KHDRBS2: variants seen among roughly 807,000 people sequenced by gnomAD.
KHDRBS2 encodes the protein KH domain-containing, RNA-binding, signal transduction-associated protein 2.
A neutral mutation model predicts 44.3 loss-of-function variants in KHDRBS2; 26 were observed. The observed-to-expected ratio is 0.59, with a 90% CI of 0.43 to 0.81. KHDRBS2 has a LOEUF of 0.81. KHDRBS2 is among the 40% of genes least tolerant of loss of function. KHDRBS2 has a pLI of 0.00. For missense variants in KHDRBS2, 476 were observed against 433.1 expected, an observed-to-expected ratio of 1.10 and a Z score of -0.88; for synonymous variants, 194 against 151.1, an observed-to-expected ratio of 1.28 and a Z score of -2.08.
At chr6:61,707,515 C>A (rs1333850121) in intron 7 of KHDRBS2, among the ~76,000 whole-genome samples, 2 of 151,692 alleles carry the variant, frequency 1.3e-5, no homozygotes, top group South Asian at 2.1e-4. Flanking sequence ...TATACATTTT[C>A]CATTCAAATG....
chr6:62,162,408 C>G (rs1817838711), intron 2 of KHDRBS2, among the ~76,000 whole-genome samples: 1 of 152,018 alleles, frequency 6.6e-6, no homozygotes, highest in Non-Finnish European at 1.5e-5. Context: ...TTTCCCACTG[C>G]CTTCTGGTCT....
intron 2 of KHDRBS2, among the ~76,000 whole-genome samples, chr6:62,070,181 T>C (rs148727404): frequency 6.2e-4 from 94 of 151,896 alleles, no homozygotes; most frequent in African/African-American, 2.2e-3. Flanking sequence ...ACAATCCATT[T>C]TATAGGTGCT....
chr6:61,905,577 A>G (rs981843487), intron 4 of KHDRBS2, among the ~76,000 whole-genome samples: 1 of 152,234 alleles, frequency 6.6e-6, no homozygotes, highest in Admixed American at 6.5e-5. Flanking sequence ...TTTGAGTGTC[A>G]ACTACACATA....
At chr6:61,933,096 T>C (rs1487157467) in intron 4 of KHDRBS2, among the ~76,000 whole-genome samples, 8 of 152,162 alleles carry the variant, frequency 5.3e-5, no homozygotes, top group Non-Finnish European at 7.4e-5. Flanking sequence ...ACAGAAAGTA[T>C]GGGTGGGGAG....
intron 2 of KHDRBS2, among the ~76,000 whole-genome samples, chr6:62,124,858 C>T (rs1808567660): frequency 6.6e-6 from 1 of 152,054 alleles, no homozygotes; most frequent in Admixed American, 6.6e-5. Context: ...TCATACCAGC[C>T]ACATATAACT....
At chr6:62,083,073 T>C (rs937400115) in intron 2 of KHDRBS2, among the ~76,000 whole-genome samples, 4 of 152,098 alleles carry the variant, frequency 2.6e-5, no homozygotes, top group African/African-American at 9.7e-5. Flanking sequence ...AGTAAGAACA[T>C]GCATTCCTGT....
At chr6:61,840,611 G>T (rs1793459152) in intron 6 of KHDRBS2, among the ~76,000 whole-genome samples, 1 of 152,052 alleles carries the variant, frequency 6.6e-6, no homozygotes, top group Non-Finnish European at 1.5e-5. Context: ...GCAACTATTG[G>T]TATCTACTGA....
intron 6 of KHDRBS2, among the ~76,000 whole-genome samples, chr6:61,760,705 A>C (rs1008899262): frequency 2.0e-5 from 3 of 152,208 alleles, no homozygotes; most frequent in Admixed American, 6.5e-5. Flanking sequence ...ACATCTTAGA[A>C]ATATTTTATG....
intron 6 of KHDRBS2, among the ~76,000 whole-genome samples, chr6:61,825,725 T>A (rs1227174294): frequency 6.6e-6 from 1 of 152,056 alleles, no homozygotes; most frequent in Admixed American, 6.6e-5. Context: ...AGCCCAAGAA[T>A]CTGGGTTCAG....
intron 3 of KHDRBS2, among the ~76,000 whole-genome samples, chr6:61,998,130 C>T (rs1777564830): frequency 6.6e-6 from 1 of 152,058 alleles, no homozygotes; most frequent in African/African-American, 2.4e-5. Context: ...CTTTTAAATA[C>T]ATTTAGTTAA....
At chr6:61,797,648 A>G (rs1785557390) in intron 6 of KHDRBS2, among the ~76,000 whole-genome samples, 1 of 151,952 alleles carries the variant, frequency 6.6e-6, no homozygotes, top group Non-Finnish European at 1.5e-5. Flanking sequence ...CATTAACCCA[A>G]CACACCTCAT....
chr6:62,004,038 A>G (rs1479958792), intron 3 of KHDRBS2, among the ~76,000 whole-genome samples: 2 of 152,202 alleles, frequency 1.3e-5, no homozygotes, highest in Non-Finnish European at 2.9e-5. Flanking sequence ...CTAAATGCCC[A>G]CAAGGTAAAG....
At chr6:61,638,704 C>T in the KHDRBS2 span, among the ~76,000 whole-genome samples, 2 of 152,052 alleles carry the variant, frequency 1.3e-5, no homozygotes, top group Non-Finnish European at 2.9e-5. Context: ...AATCAATTAG[C>T]ATTATTCTGG....
intron 6 of KHDRBS2, among the ~76,000 whole-genome samples, chr6:61,788,518 T>A (rs951630442): frequency 6.6e-6 from 1 of 151,448 alleles, no homozygotes; most frequent in Non-Finnish European, 1.5e-5. Flanking sequence ...TTATGTAGTA[T>A]CTCACATATT....
intron 6 of KHDRBS2, among the ~76,000 whole-genome samples, chr6:61,818,141 T>C (rs1789276557): frequency 6.6e-6 from 1 of 151,900 alleles, no homozygotes; most frequent in South Asian, 2.1e-4. Context: ...CTATGATAAG[T>C]AAGATGCAAC....
chr6:61,902,151 G>T (rs796343655), intron 4 of KHDRBS2, among the ~76,000 whole-genome samples: 4 of 152,000 alleles, frequency 2.6e-5, no homozygotes, highest in Non-Finnish European at 5.9e-5. Flanking sequence ...ACAGGGTTTC[G>T]CCATGTTGGC....
rs113300633 is a variant in KHDRBS2 at position 61,956,904 on chromosome 6, TTCATCA to T, written c.483+21156_483+21161del. Among the ~76,000 whole-genome samples, 58 of 148,418 alleles carry T rather than the reference TTCATCA, an allele frequency of 3.9e-4. 1 individual carries two copies. The highest frequency in any genetic ancestry group is 1.0e-3 in the African/African-American group (41 of 40,062). On this transcript the variant is annotated intron_variant, in intron 4 of 8. Transcript: ENST00000281156. ...AGCAAACATTCCATAGTTATTGGTTTTCATCATCATCATCATCATCATCATCATCAT... is the reference window on the plus strand; with the variant it reads ...AGCAAACATTCCATAGTTATTGGTTTTCATCATCATCATCATCATCATCAT...
At chr6:62,064,270 G>GA (rs1266369089) in intron 2 of KHDRBS2, among the ~76,000 whole-genome samples, 19 of 148,612 alleles carry the variant, frequency 1.3e-4, no homozygotes, top group African/African-American at 4.0e-4. Flanking sequence ...CACAGAATTG[G>GA]AAAAAACTAC....
chr6:61,852,267 A>G (rs1192043850), intron 6 of KHDRBS2, among the ~76,000 whole-genome samples: 1 of 148,382 alleles, frequency 6.7e-6, no homozygotes, highest in Non-Finnish European at 1.5e-5. Context: ...CCAGAAAAAC[A>G]TTGACTTTAT....
Sources: allele counts gnomAD v4.1 joint callset (sites outside exome capture counted in the v4.1 genomes callset), GRCh38; gene constraint gnomAD v4.1.1; transcripts MANE v1.5; gene names NCBI Gene and HGNC (gene_info 2026-07-23, HGNC 2026-07-21).